The following RNF157 variants were observed in gnomAD, a reference collection of about 807,000 sequenced individuals.
The protein encoded by RNF157 is ring finger protein 157.
RNF157 carries 55 observed loss-of-function variants against 88.3 expected under a neutral mutation model. The observed-to-expected ratio is 0.62, with a 90% CI of 0.50 to 0.78. The LOEUF (loss-of-function observed/expected upper bound fraction) is 0.78, where lower values mean the gene tolerates loss of function less well. Among genes scored for constraint, RNF157 ranks in the 30% least tolerant of loss-of-function variants. The pLI is 0.00. For missense variants in RNF157, 788 were observed against 860.8 expected (o/e 0.92, Z 1.06); for synonymous variants, 334 against 341.2 (o/e 0.98, Z 0.23).
chr17:76,212,279 ACAAGCAACTG>A, intron 2 of RNF157, 75 bp downstream of exon 2: 1 of 919,786 alleles, frequency 1.1e-6, no homozygotes, highest in Middle Eastern at 2.2e-4. Flanking sequence ...AAACTGCTGA[ACAAGCAACTG>A]CAAACTTATT....
chr17:76,165,358 G>A lies in RNF157; in HGVS notation c.672+144C>T, dbSNP rs558822348. The A allele has an allele frequency of 1.3e-5, 10 of 764,868 alleles. No homozygotes were observed. The African/African-American group carries it at 1.7e-4, about 13-fold the overall frequency. 47.4% of individuals were successfully genotyped at this position (764,868 alleles called of 1,614,324 possible). ...GCTGGAGTGCGGTGGTGCCATCTCAGCTCACTGCAACCTCTTTCACCATTA... is the reference window on the plus strand; with the variant it reads ...GCTGGAGTGCGGTGGTGCCATCTCAACTCACTGCAACCTCTTTCACCATTA... On this transcript the variant is annotated intron_variant, in intron 7 of 18. Transcript: ENST00000269391.
At chr17:76,212,541 T>TG in intron 1 of RNF157, 59 bp from the exon 2 acceptor site, 2 of 880,672 alleles carry the variant, frequency 2.3e-6, no homozygotes, top group Admixed American at 2.3e-5. Context: ...CTAAATCTAG[T>TG]AAAAAAAAAA....
chr17:76,188,104 C>A (rs146974333), intron 2 of RNF157, among the ~76,000 whole-genome samples: 2 of 152,316 alleles, frequency 1.3e-5, no homozygotes, highest in Admixed American at 6.5e-5. Context: ...GAACTACTTT[C>A]TTTGGCTTTT....
Position 76,145,366 on chromosome 17 carries a change from A to C in RNF157, c.1922-13T>G. 6.2e-7 allele frequency: 1 copy of C among 1,602,098 alleles called. No individual in the cohort carries two copies. Among genetic ancestry groups the C allele is most frequent in the Non-Finnish European group, 8.5e-7 (1 of 1,170,294 alleles). On this transcript the variant is annotated splice_polypyrimidine_tract_variant and intron_variant, in intron 18 of 18. Transcript: ENST00000269391. ...GCCTGCCAGGCACCTGGGGAAGAGA[A>C]AATGAACATTACAGGAGCCAGACCT...
chr17:76,187,463 C>A (rs961394256), intron 2 of RNF157, among the ~76,000 whole-genome samples: 3 of 152,134 alleles, frequency 2.0e-5, no homozygotes, highest in Admixed American at 2.0e-4. Flanking sequence ...GGATTACAGG[C>A]ATGAGCCACG....
At chr17:76,170,428 C>T (rs982157483) in intron 3 of RNF157, among the ~76,000 whole-genome samples, 15 of 152,014 alleles carry the variant, frequency 9.9e-5, no homozygotes, top group Admixed American at 8.5e-4. Context: ...AGGGCTTTAC[C>T]ATATTGCCCA....
At chr17:76,177,097 C>T (rs967053749) in intron 2 of RNF157, among the ~76,000 whole-genome samples, 2 of 152,112 alleles carry the variant, frequency 1.3e-5, no homozygotes, top group Non-Finnish European at 2.9e-5. Context: ...ACAGGCAGAG[C>T]TCATGGCGAT....
intron 12 of RNF157, 131 bp downstream of exon 12, chr17:76,159,204 G>T: frequency 1.3e-6 from 1 of 751,878 alleles, no homozygotes; most frequent in Non-Finnish European, 2.2e-6. Flanking sequence ...TAACCTTCAC[G>T]CAAGCAGCTC....
At chr17:76,171,746 C>A (rs114214455) in intron 3 of RNF157, among the ~76,000 whole-genome samples, 2,561 of 152,276 alleles carry the variant, frequency 0.017, 71 homozygotes, top group African/African-American at 0.058. Context: ...GATAAAAGAA[C>A]CTGAAGCTCA....
At chr17:76,169,828 G>A (rs1238066971) in intron 3 of RNF157, among the ~76,000 whole-genome samples, 1 of 152,088 alleles carries the variant, frequency 6.6e-6, no homozygotes, top group African/African-American at 2.4e-5. Flanking sequence ...TGATCCACCC[G>A]CCTCACCTTC....
At chr17:76,170,788 G>A (rs8077046) in intron 3 of RNF157, among the ~76,000 whole-genome samples, 45,900 of 151,980 alleles carry the variant, frequency 0.3, 7,932 homozygotes, top group African/African-American at 0.48. Context: ...GTCATTTAAC[G>A]TTCACTATGT....
chr17:76,218,070 ATG>A (rs1324133551), intron 1 of RNF157, among the ~76,000 whole-genome samples: 5 of 152,132 alleles, frequency 3.3e-5, no homozygotes, highest in South Asian at 2.1e-4. Context: ...ATTTAACGTT[ATG>A]TGTTTTTTTG....
At chr17:76,154,121 T>C (rs921945525) in intron 17 of RNF157, 162 bp downstream of exon 17, 3 of 667,832 alleles carry the variant, frequency 4.5e-6, no homozygotes, top group Non-Finnish European at 5.4e-6. Context: ...ATCAATGCTC[T>C]GCTTGCTTTG....
chr17:76,172,990 A>G (rs1191341786), intron 3 of RNF157, among the ~76,000 whole-genome samples: 2 of 152,168 alleles, frequency 1.3e-5, no homozygotes, highest in Non-Finnish European at 2.9e-5. Context: ...TATAGGGAAT[A>G]AAAAAGAAAA....
At chr17:76,156,473 T>C (rs1365632380) in intron 13 of RNF157, 152 bp from the exon 14 acceptor site, 61 of 1,441,164 alleles carry the variant, frequency 4.2e-5, no homozygotes, top group Non-Finnish European at 5.2e-5. Context: ...AGCTTCTCTC[T>C]TCCGTCCTCA....
At chr17:76,209,644 G>A (rs904182431) in intron 2 of RNF157, among the ~76,000 whole-genome samples, 15 of 151,916 alleles carry the variant, frequency 9.9e-5, no homozygotes, top group Non-Finnish European at 2.2e-4. Context: ...GGACTGAAAA[G>A]GCCAAAATTT....
intron 1 of RNF157, among the ~76,000 whole-genome samples, chr17:76,227,156 G>A (rs796647742): frequency 2.1e-4 from 30 of 144,532 alleles, no homozygotes; most frequent in African/African-American, 7.8e-4. Flanking sequence ...CACTCTTGTC[G>A]CCTAGGCTGG....
chr17:76,158,550 A>G (rs765774428), intron 12 of RNF157, 49 bp from the exon 13 acceptor site: 2 of 1,351,540 alleles, frequency 1.5e-6, no homozygotes, highest in African/African-American at 2.9e-5. Flanking sequence ...CCATTTAAAG[A>G]ACAGAACTTA....
In RNF157 at chr17:76,195,700, G is replaced by A. The variant is rs892914143; in HGVS notation, c.207+16664C>T. Among the ~76,000 whole-genome samples the A allele has an allele frequency of 3.3e-5, 5 of 152,198 alleles. No homozygotes were observed. Among genetic ancestry groups the A allele is most frequent in the South Asian group, 2.1e-4 (1 of 4,832 alleles). ...TACTATGCAGCAATGGAAATGAACC[G>A]TACACAGCACAGGAATAGTTTGTTC... On this transcript the variant is annotated intron_variant, in intron 2 of 18. Transcript: ENST00000269391. This position sits in a 1 kb window ranked among gnomAD's most constrained non-coding sequence, Gnocchi z 4.4.
Sources: gnomAD v4.1 joint callset for allele counts (sites outside exome capture counted in the v4.1 genomes callset) on GRCh38, gnomAD v4.1.1 for gene constraint, Gnocchi (gnomAD v3.1) non-coding constraint, MANE v1.5 for transcripts, NCBI Gene and HGNC (gene_info 2026-07-23, HGNC 2026-07-21) for gene names.